The following SEC61B variants were observed in gnomAD, a reference collection of about 807,000 sequenced individuals.
The protein encoded by SEC61B is SEC61 translocon subunit beta.
In SEC61B, 7 loss-of-function variants were observed where a neutral mutation model predicts 12.6. The ratio of observed to expected loss-of-function variants is 0.55; its 90% confidence interval spans 0.32 to 1.04. The LOEUF (loss-of-function observed/expected upper bound fraction) is 1.04. Ranked by LOEUF, SEC61B falls within the 50% of genes least tolerant of loss-of-function variation. SEC61B has a pLI of 0.05. For missense variants in SEC61B, 107 were observed against 130.1 expected, an observed-to-expected ratio of 0.82 and a Z score of 0.86; for synonymous variants, 54 against 50.1, an observed-to-expected ratio of 1.08 and a Z score of -0.33.
In SEC61B at chr9:99,227,909, A is replaced by G; in HGVS notation, c.112A>G (p.Ser38Gly). 1.2e-6 allele frequency: 2 copies of G among 1,613,948 alleles called. No homozygotes were observed. Among genetic ancestry groups the G allele is most frequent in the Non-Finnish European group, 1.7e-6 (2 of 1,179,908 alleles). ...GSTVRQRKNA[S>G]CGTRSAGRTT... ...TTTCCTCTCTTTCAGGAAAAATGCCAGCTGTGGGACAAGGAGTGCAGGCCG... is the reference window on the plus strand; with the variant it reads ...TTTCCTCTCTTTCAGGAAAAATGCCGGCTGTGGGACAAGGAGTGCAGGCCG... Residue 38 changes from serine (S) to glycine (G), a missense_variant, in exon 3 of 4, where the codon AGC (serine) becomes GGC (glycine). Physicochemically the swap from Ser to Gly is moderately conservative, Grantham distance 56. Transcript: ENST00000223641.
At chr9:99,229,923 C>A (rs1355489309) in intron 3 of SEC61B, among the ~76,000 whole-genome samples, 1 of 151,956 alleles carries the variant, frequency 6.6e-6, no homozygotes, top group East Asian at 1.9e-4. Flanking sequence ...AATACTAGGT[C>A]TTATTCAGAA....
intron 1 of SEC61B, 87 bp from the exon 2 acceptor site, chr9:99,222,459 C>T: frequency 6.2e-7 from 1 of 1,606,974 alleles, no homozygotes; most frequent in Non-Finnish European, 8.5e-7. Context: ...CCCTTGCTTC[C>T]CCCAGCCTCG....
chr9:99,229,054 TATTA>T (rs1564230198), intron 3 of SEC61B, among the ~76,000 whole-genome samples: 2 of 152,124 alleles, frequency 1.3e-5, no homozygotes, highest in East Asian at 3.8e-4. Flanking sequence ...GTAAAGTTTT[TATTA>T]ATTTTAATTA....
intron 2 of SEC61B, among the ~76,000 whole-genome samples, chr9:99,224,934 T>A (rs943568805): frequency 6.6e-6 from 1 of 152,362 alleles, no homozygotes; most frequent in African/African-American, 2.4e-5. Flanking sequence ...AGAAATGTTA[T>A]TAAATTTAAG....
Position 99,222,332 on chromosome 9 carries a change from C to A in SEC61B, c.-32C>A. The A allele has an allele frequency of 1.9e-6, 3 of 1,614,134 alleles. No individual in the cohort carries two copies. The highest frequency in any genetic ancestry group is 2.5e-6 in the Non-Finnish European group (3 of 1,180,002). ...GGGGCTCCGTAACTTTCTATCCGTC[C>A]GCGTCAGCGCCTTGCCACCCTCATC... On this transcript the variant is annotated 5_prime_UTR_variant, in exon 1 of 4. Coordinates refer to ENST00000223641, the MANE Select transcript of SEC61B (RefSeq NM_006808.3).
intron 2 of SEC61B, among the ~76,000 whole-genome samples, chr9:99,224,206 A>G (rs1176604188): frequency 2.0e-5 from 3 of 152,240 alleles, no homozygotes; most frequent in African/African-American, 7.2e-5. Flanking sequence ...CTTACATGAA[A>G]TATTTCACAT....
At chr9:99,223,345 C>T (rs992986362) in intron 2 of SEC61B, among the ~76,000 whole-genome samples, 5 of 149,202 alleles carry the variant, frequency 3.4e-5, no homozygotes, top group Non-Finnish European at 7.4e-5. Flanking sequence ...AAAAAAAAAA[C>T]CGGGGGGATA....
At position 99,222,655 on chromosome 9, in the gene SEC61B, T is replaced by C; in HGVS notation, c.101+12T>C. On this transcript the variant is annotated intron_variant, in intron 2 of 3. Coordinates refer to ENST00000223641, the MANE Select transcript of SEC61B (RefSeq NM_006808.3). ...ACTGTCCGGCAGAGGTAAGGAACCC[T>C]GCAGTTCGTTCGCTTCCAGACTCGG... is the stretch of plus-strand genomic sequence containing the variant. 6.6e-7 allele frequency: 1 copy of C among 1,504,998 alleles called. No homozygotes were observed. The highest frequency in any genetic ancestry group is 8.9e-7 in the Non-Finnish European group (1 of 1,121,410). 93.2% of individuals were successfully genotyped at this position (1,504,998 alleles called of 1,614,324 possible).
chr9:99,226,636 C>G (rs1435609992), intron 2 of SEC61B, among the ~76,000 whole-genome samples: 1 of 152,150 alleles, frequency 6.6e-6, no homozygotes, highest in Non-Finnish European at 1.5e-5. Context: ...TCACCACTTG[C>G]CCCTTACCCC....
chr9:99,227,819 G>GTAA (rs1368900985), intron 2 of SEC61B, 80 bp from the exon 3 acceptor site: 1 of 975,488 alleles, frequency 1.0e-6, no homozygotes, highest in African/African-American at 1.6e-5. Context: ...CCTTAACTGT[G>GTAA]TAATAATGGT....
chr9:99,223,314 C>G (rs1276532572), intron 2 of SEC61B: 1 of 143,500 alleles, frequency 7.0e-6, no homozygotes, highest in African/African-American at 2.5e-5. Context: ...TGTTGCTGAA[C>G]TAAAAAAAAC....
intron 2 of SEC61B, among the ~76,000 whole-genome samples, chr9:99,225,348 A>G (rs1158666678): frequency 6.6e-6 from 1 of 152,196 alleles, no homozygotes; most frequent in African/African-American, 2.4e-5. Context: ...GTTGTTTTAG[A>G]TAGGGTGTTC....
chr9:99,222,400 C>T, intron 1 of SEC61B, 34 bp downstream of exon 1: 5 of 1,614,104 alleles, frequency 3.1e-6, no homozygotes, highest in Non-Finnish European at 4.2e-6. Flanking sequence ...CCGCCTCTCC[C>T]AGAAGCCCTG....
chr9:99,227,107 A>G (rs578022810), intron 2 of SEC61B, among the ~76,000 whole-genome samples: 1 of 152,106 alleles, frequency 6.6e-6, no homozygotes, highest in Admixed American at 6.5e-5. Context: ...CTCTACTAAA[A>G]ATACAAAAAT....
chr9:99,224,455 CT>C (rs1306966604), intron 2 of SEC61B, among the ~76,000 whole-genome samples: 4 of 152,078 alleles, frequency 2.6e-5, no homozygotes, highest in Non-Finnish European at 5.9e-5. Flanking sequence ...ATTGGTAATA[CT>C]GTGGCAGGGA....
intron 3 of SEC61B, among the ~76,000 whole-genome samples, chr9:99,228,589 C>G (rs1267272780): frequency 6.6e-6 from 1 of 152,210 alleles, no homozygotes; most frequent in Admixed American, 6.5e-5. Flanking sequence ...GTCCCCATGC[C>G]TTGCTCAGGG....
intron 3 of SEC61B, 101 bp from the exon 4 acceptor site, chr9:99,230,236 G>A (rs1473777292): frequency 3.1e-6 from 2 of 651,672 alleles, no homozygotes; most frequent in Non-Finnish European, 5.3e-6. Flanking sequence ...CTTGAGTGCT[G>A]CCCACCTTAC....
chr9:99,228,497 G>A (rs1326378683), intron 3 of SEC61B, among the ~76,000 whole-genome samples: 4 of 152,176 alleles, frequency 2.6e-5, no homozygotes, highest in Non-Finnish European at 4.4e-5. Context: ...ACTCAGGAGG[G>A]TGAACATGTA....
chr9:99,230,028 A>G (rs1828941193), intron 3 of SEC61B, among the ~76,000 whole-genome samples: 1 of 152,230 alleles, frequency 6.6e-6, no homozygotes, highest in Admixed American at 6.5e-5. Context: ...TGAGAAGACA[A>G]CAAATACATG....
Sources: allele counts gnomAD v4.1 joint callset (sites outside exome capture counted in the v4.1 genomes callset), GRCh38; gene constraint gnomAD v4.1.1; transcripts MANE v1.5; gene names NCBI Gene and HGNC (gene_info 2026-07-23, HGNC 2026-07-21).